CD163: variants seen among roughly 807,000 people sequenced by gnomAD.
The protein encoded by CD163 is CD163 molecule, also known as scavenger receptor cysteine-rich type 1 protein M130.
In CD163, 64 loss-of-function variants were observed where a neutral mutation model predicts 129.2. The observed-to-expected ratio is 0.50, with a 90% CI of 0.41 to 0.61. CD163 has a LOEUF of 0.61. CD163 is among the 20% of genes least tolerant of loss of function. CD163 has a pLI of 0.00. For synonymous variants in CD163, 446 were observed against 478.5 expected, an observed-to-expected ratio of 0.93 and a Z score of 0.89; for missense variants, 1,061 against 1,377.9, an observed-to-expected ratio of 0.77 and a Z score of 3.64.
chr12:7,496,297 G>GA lies in CD163; in HGVS notation c.1099+515dup, dbSNP rs1949400737. Among the ~76,000 whole-genome samples the GA allele has an allele frequency of 6.6e-6, 1 of 151,784 alleles. No homozygotes were observed. The highest frequency in any genetic ancestry group is 1.5e-5 in the Non-Finnish European group (1 of 67,988). On this transcript the variant is annotated intron_variant, in intron 5 of 16. Transcript: ENST00000432237. This position sits in a 1 kb window ranked among gnomAD's most constrained non-coding sequence, Gnocchi z 4.8. ...AACAATGAGAACACACGGACACAGG[G>GA]AGGGGAACATCACACACTGGGGCCT...
chr12:7,492,459 G>A (rs11054179), intron 6 of CD163, among the ~76,000 whole-genome samples: 2,838 of 152,144 alleles, frequency 0.019, 59 homozygotes, highest in Non-Finnish European at 0.027. Context: ...GGTGTGAGAG[G>A]CTAAAAACCT....
At chr12:7,483,842 T>TATATATATATATATATATATATA (rs71067190) in intron 11 of CD163, 167 bp from the exon 12 acceptor site, 3 of 61,896 alleles carry the variant, frequency 4.8e-5, no homozygotes, top group African/African-American at 1.9e-4. Context: ...TATATATATA[T>TATATATATATATATATATATATA]TTTTTTTTTT....
In CD163 at chr12:7,475,057, C is replaced by T. The variant is rs751123122; in HGVS notation, c.*32-3660G>A. 2.5e-4 allele frequency among the ~76,000 whole-genome samples: 27 copies of T among 107,442 alleles called. No homozygotes were observed. In the South Asian group the frequency reaches 6.2e-3, roughly 25 times the overall value. 70.5% of individuals were successfully genotyped at this position (107,442 alleles called of 152,430 possible). A position where few individuals can be genotyped will look rare whatever the true frequency, so the allele number is the denominator to read the frequency against. The stretch of plus-strand genomic sequence containing the variant: ...GTCGAATTTCTGACTAGACCAATAA[C>T]AAGTTATGAAATTGAGGCAGTAAGT... On this transcript the variant is annotated intron_variant, in intron 16 of 16. Transcript: ENST00000432237.
At chr12:7,498,736 G>A in intron 4 of CD163, 132 bp downstream of exon 4, 1 of 868,648 alleles carries the variant, frequency 1.2e-6, no homozygotes, top group Non-Finnish European at 1.8e-6. Flanking sequence ...ACTGGAACCT[G>A]AAGTTAGGTT....
At chr12:7,488,246 T>A (rs556681367) in intron 6 of CD163, among the ~76,000 whole-genome samples, 159 bp from the exon 7 acceptor site, 4 of 152,174 alleles carry the variant, frequency 2.6e-5, no homozygotes, top group Non-Finnish European at 4.4e-5. Flanking sequence ...GAGTTGGGTA[T>A]GGATAAATCT....
intron 16 of CD163, among the ~76,000 whole-genome samples, chr12:7,478,337 C>G (rs754590783): frequency 2.6e-5 from 4 of 152,078 alleles, no homozygotes; most frequent in African/African-American, 4.8e-5. Flanking sequence ...TTTGAAATGG[C>G]CTTTTTCTCT....
Position 7,481,266 on chromosome 12 carries a change from G to C in CD163, c.3248-10C>G, listed in dbSNP as rs1455929541. ...TCTCCTCTTGAGGAAACTGAAAACAGAGATCCCTAGGTTAGGGATCAGCTA... is the reference window on the plus strand; with the variant it reads ...TCTCCTCTTGAGGAAACTGAAAACACAGATCCCTAGGTTAGGGATCAGCTA... On this transcript the variant is annotated splice_polypyrimidine_tract_variant and intron_variant, in intron 14 of 16. Coordinates refer to ENST00000432237, the MANE Select transcript of CD163 (RefSeq NM_203416.4). 1 of 1,605,512 alleles carries C rather than the reference G, an allele frequency of 6.2e-7. No homozygotes were observed. The highest frequency in any genetic ancestry group is 1.3e-5 in the African/African-American group (1 of 74,738).
At position 7,485,403 on chromosome 12, in the gene CD163, C is replaced by G; in HGVS notation, c.2472G>C (p.Leu824=). 6.2e-7 allele frequency: 1 copy of G among 1,612,684 alleles called. No homozygotes were observed. The highest frequency in any genetic ancestry group is 8.5e-7 in the Non-Finnish European group (1 of 1,178,948). The part of the protein sequence containing the change: ...AGVICSEFMS[L]RLTSEASREA... Reference sequence around the variant, plus strand: ...CTCTGCTGGCTTCACTGGTCAGTCTCAGAGACATGAATTCTGCAGCGAAAC... The same window carrying G: ...CTCTGCTGGCTTCACTGGTCAGTCTGAGAGACATGAATTCTGCAGCGAAAC... Residue 824 remains leucine, a synonymous_variant, in exon 11 of 17, where the codon CTG becomes CTC. Transcript: ENST00000432237. The surrounding 1 kb of genome is among the most constrained non-coding windows in gnomAD (Gnocchi z 4.5).
At chr12:7,480,926 T>C (rs1949153666) in intron 15 of CD163, 1 of 1,194,060 alleles carries the variant, frequency 8.4e-7, no homozygotes. Flanking sequence ...GCATGGTTCT[T>C]TCCATACCTC....
At chr12:7,481,537 G>GTT (rs1949162709) in intron 14 of CD163, among the ~76,000 whole-genome samples, 1 of 152,076 alleles carries the variant, frequency 6.6e-6, no homozygotes, top group South Asian at 2.1e-4. Flanking sequence ...CTTTTCTTAA[G>GTT]TATCTCTAAA....
chr12:7,478,787 T>C (rs967025444), intron 16 of CD163, among the ~76,000 whole-genome samples: 1 of 152,044 alleles, frequency 6.6e-6, no homozygotes, highest in South Asian at 2.1e-4. Flanking sequence ...TATTATACAA[T>C]GTAGATATAT....
In CD163 at chr12:7,495,272, A is replaced by G; in HGVS notation, c.1229T>C (p.Val410Ala). 6.2e-7 allele frequency: 1 copy of G among 1,614,048 alleles called. No homozygotes were observed. Among genetic ancestry groups the G allele is most frequent in the Non-Finnish European group, 8.5e-7 (1 of 1,179,986 alleles). The change falls in exon 6 of 17, where the codon GTT (valine) becomes GCT (alanine). Residue 410 changes from valine (V) to alanine (A), a missense_variant. Physicochemically the swap from Val to Ala is moderately conservative, Grantham distance 64 (BLOSUM62 0). Coordinates refer to ENST00000432237, the MANE Select transcript of CD163 (RefSeq NM_203416.4). ...AGATCCACATCCCAGCTGCCTGCAA[A>G]CCACATCAGCTTCTTTCAGTCCCCA... ...RGWGLKEADV[V>A]CRQLGCGSAL...
At chr12:7,495,955 C>A (rs1308403254) in intron 5 of CD163, among the ~76,000 whole-genome samples, 1 of 152,120 alleles carries the variant, frequency 6.6e-6, no homozygotes, top group Admixed American at 6.5e-5. Context: ...TACCATTTGA[C>A]CCAGCGATCC....
In CD163 at chr12:7,489,799, A is replaced by G. The variant is rs139672099; in HGVS notation, c.1421-1712T>C. On this transcript the variant is annotated intron_variant, in intron 6 of 16. Transcript: ENST00000432237. The stretch of plus-strand genomic sequence containing the variant: ...TAATTTCGTCCAGCTATTAAAATTA[A>G]GGAGAGGTGATAAACACTAATTCTT... Among the ~76,000 whole-genome samples the G allele has an allele frequency of 8.3e-3, 1,270 of 152,206 alleles. 6 individuals are homozygous for G. Among genetic ancestry groups the G allele is most frequent in the Middle Eastern group, 0.034 (10 of 294 alleles).
At chr12:7,499,502 G>T (rs758130682) in intron 3 of CD163, among the ~76,000 whole-genome samples, 2 of 152,088 alleles carry the variant, frequency 1.3e-5, no homozygotes, top group East Asian at 3.9e-4. Flanking sequence ...AGATAAATTC[G>T]ACTCAAGTTA....
chr12:7,483,781 T>A, intron 11 of CD163, 106 bp from the exon 12 acceptor site: 2 of 446,620 alleles, frequency 4.5e-6, no homozygotes, highest in Non-Finnish European at 7.2e-6. Context: ...AAAAACTATT[T>A]AAAATTTTAC....
chr12:7,472,252 C>T (rs1044586002), intron 16 of CD163, among the ~76,000 whole-genome samples: 6 of 152,196 alleles, frequency 3.9e-5, no homozygotes, highest in African/African-American at 1.4e-4. Flanking sequence ...TCAAGTGGGT[C>T]CCTGACCCCC....
intron 6 of CD163, among the ~76,000 whole-genome samples, chr12:7,491,053 G>A (rs1592004510): frequency 6.6e-6 from 1 of 151,932 alleles, no homozygotes; most frequent in African/African-American, 2.4e-5. Context: ...CCTAGATCAA[G>A]CCAAATTCTG....
chr12:7,501,291 C>A lies in CD163; in HGVS notation c.305G>T (p.Gly102Val). 1 of 1,614,200 alleles carries A rather than the reference C, an allele frequency of 6.2e-7. No individual in the cohort carries two copies. The highest frequency in any genetic ancestry group is 8.5e-7 in the Non-Finnish European group (1 of 1,180,030). ...LGCPTAIKAP[G>V]WANSSAGSGR... Reference sequence around the variant, plus strand: ...AGAACCTGCACTGGAATTAGCCCATCCAGGGGCTTTGATAGCAGTTGGACA... The same window carrying A: ...AGAACCTGCACTGGAATTAGCCCATACAGGGGCTTTGATAGCAGTTGGACA... The change falls in exon 3 of 17, where the codon GGA becomes GTA. Residue 102 changes from glycine to valine, a missense_variant. Transcript: ENST00000432237.
Sources: gnomAD v4.1 joint callset for allele counts (sites outside exome capture counted in the v4.1 genomes callset) on GRCh38, gnomAD v4.1.1 for gene constraint, Gnocchi (gnomAD v3.1) non-coding constraint, MANE v1.5 for transcripts, NCBI Gene and HGNC (gene_info 2026-07-23, HGNC 2026-07-21) for gene names.